The following GALNTL6 variants were observed in gnomAD, a reference collection of about 807,000 sequenced individuals.
GALNTL6 encodes polypeptide N-acetylgalactosaminyltransferase-like 6.
GALNTL6 carries 46 observed loss-of-function variants against 73.7 expected under a neutral mutation model. That is an observed-to-expected ratio of 0.62 (90% CI 0.49 to 0.80). The LOEUF is 0.80. GALNTL6 is among the 30% of genes least tolerant of loss of function. GALNTL6 has a pLI of 0.00. For missense variants in GALNTL6, 604 were observed against 755.0 expected (o/e 0.80, Z 2.34); for synonymous variants, 259 against 263.7 (o/e 0.98, Z 0.17).
At chr4:172,760,803 G>A (rs1482239484) in intron 5 of GALNTL6, among the ~76,000 whole-genome samples, 1 of 152,128 alleles carries the variant, frequency 6.6e-6, no homozygotes, top group Non-Finnish European at 1.5e-5. Flanking sequence ...GACCAGCAGG[G>A]GATAGGAGGA....
chr4:173,006,128 T>G (rs1167736177), intron 10 of GALNTL6, among the ~76,000 whole-genome samples: 1 of 152,176 alleles, frequency 6.6e-6, no homozygotes, highest in African/African-American at 2.4e-5. Context: ...TGAGTTCAAA[T>G]GCCAGCCGAC....
intron 4 of GALNTL6, among the ~76,000 whole-genome samples, chr4:172,335,938 T>C (rs943305839): frequency 2.6e-5 from 4 of 152,172 alleles, no homozygotes; most frequent in Non-Finnish European, 5.9e-5. Flanking sequence ...GTCTCAATTT[T>C]ATTCACTTCC....
intron 2 of GALNTL6, among the ~76,000 whole-genome samples, chr4:172,213,227 G>T (rs1393411230): frequency 6.6e-6 from 1 of 152,126 alleles, no homozygotes; most frequent in Non-Finnish European, 1.5e-5. Context: ...TGTGGGGATT[G>T]TAAATAAAGC....
intron 2 of GALNTL6, among the ~76,000 whole-genome samples, chr4:172,008,517 G>T (rs1268563634): frequency 6.6e-6 from 1 of 151,172 alleles, no homozygotes; most frequent in South Asian, 2.1e-4. Context: ...ACCTCCTTTT[G>T]TTTCCAAAAA....
intron 2 of GALNTL6, among the ~76,000 whole-genome samples, chr4:172,078,446 C>T (rs531989671): frequency 6.6e-6 from 1 of 152,230 alleles, no homozygotes; most frequent in South Asian, 2.1e-4. Flanking sequence ...TCATAAATTA[C>T]ACAGTCTCAG....
chr4:172,032,360 T>C (rs1240573389), intron 2 of GALNTL6, among the ~76,000 whole-genome samples: 2 of 151,908 alleles, frequency 1.3e-5, no homozygotes, highest in South Asian at 4.1e-4. Context: ...AAATTAAGAA[T>C]CATTAAATGT....
chr4:172,634,425 G>A (rs1282166291), intron 5 of GALNTL6, among the ~76,000 whole-genome samples: 3 of 151,856 alleles, frequency 2.0e-5, no homozygotes, highest in African/African-American at 2.4e-5. Flanking sequence ...ACTGTCCCCC[G>A]TGGCAATAGT....
chr4:172,887,483 T>C (rs187228118), intron 8 of GALNTL6, among the ~76,000 whole-genome samples: 6 of 152,114 alleles, frequency 3.9e-5, no homozygotes, highest in African/African-American at 1.4e-4. Flanking sequence ...CCACCAACAG[T>C]GTATAAGTGT....
At chr4:172,862,243 G>C (rs1028279195) in intron 7 of GALNTL6, among the ~76,000 whole-genome samples, 1 of 152,184 alleles carries the variant, frequency 6.6e-6, no homozygotes, top group Non-Finnish European at 1.5e-5. Flanking sequence ...TGAACCACTT[G>C]TTGGGAACTG....
chr4:172,378,507 C>T (rs951235646), intron 5 of GALNTL6, among the ~76,000 whole-genome samples: 5 of 152,004 alleles, frequency 3.3e-5, no homozygotes, highest in African/African-American at 9.7e-5. Context: ...AAACTAAACA[C>T]GTGATTATTG....
At chr4:172,058,033 C>T (rs1731080832) in intron 2 of GALNTL6, among the ~76,000 whole-genome samples, 2 of 151,874 alleles carry the variant, frequency 1.3e-5, no homozygotes, top group Non-Finnish European at 2.9e-5. Flanking sequence ...TCAGCAACTA[C>T]ACATTTTGGA....
chr4:172,655,707 C>T (rs1730962069), intron 5 of GALNTL6, among the ~76,000 whole-genome samples: 1 of 152,136 alleles, frequency 6.6e-6, no homozygotes, highest in Admixed American at 6.5e-5. Flanking sequence ...AGTTATATTT[C>T]CTTGGAAACA....
intron 5 of GALNTL6, among the ~76,000 whole-genome samples, chr4:172,537,938 T>C (rs1243361854): frequency 6.6e-6 from 1 of 152,128 alleles, no homozygotes; most frequent in South Asian, 2.1e-4. Context: ...TAGGAAATGC[T>C]CTATGAACTT....
At chr4:172,417,749 C>T (rs989371751) in intron 5 of GALNTL6, among the ~76,000 whole-genome samples, 1 of 152,128 alleles carries the variant, frequency 6.6e-6, no homozygotes, top group Non-Finnish European at 1.5e-5. Flanking sequence ...TGCTGCTTCT[C>T]CATCTTTTGG....
intron 2 of GALNTL6, among the ~76,000 whole-genome samples, chr4:172,022,949 T>C (rs1207784235): frequency 3.9e-5 from 6 of 152,052 alleles, no homozygotes. Context: ...CTATTTTTCT[T>C]TCACTGACTT....
chr4:172,121,826 T>C (rs1733158908), intron 2 of GALNTL6, among the ~76,000 whole-genome samples: 1 of 151,936 alleles, frequency 6.6e-6, no homozygotes, highest in Admixed American at 6.6e-5. Context: ...GAACAAAAAT[T>C]AAAAAGAAAA....
chr4:172,745,093 G>T (rs1170412366), intron 5 of GALNTL6, among the ~76,000 whole-genome samples: 1 of 151,844 alleles, frequency 6.6e-6, no homozygotes, highest in Non-Finnish European at 1.5e-5. Context: ...GCAAGAATTA[G>T]CCTTAAATGA....
rs1753873991 is a variant in GALNTL6 at position 173,041,159 on chromosome 4, TGTTC to T, written c.*1063_*1066del. ...GTGGGAGCTTAGAAGTGGTTTTATT[TGTTC>T]GTTTGTTTGGGTTTTGCTTTTGTTT... On this transcript the variant is annotated 3_prime_UTR_variant, in exon 13 of 13. Coordinates refer to ENST00000506823, the MANE Select transcript of GALNTL6 (RefSeq NM_001034845.3). The T allele has an allele frequency of 6.6e-6, 1 of 152,028 alleles. No individual in the cohort carries two copies. Among genetic ancestry groups the T allele is most frequent in the Non-Finnish European group, 1.5e-5 (1 of 67,994 alleles). The allele number at this position is 152,028 out of a possible 1,614,324, so 9.4% of individuals were successfully genotyped here.
At chr4:172,272,299 T>C (rs1738684232) in intron 3 of GALNTL6, among the ~76,000 whole-genome samples, 1 of 152,188 alleles carries the variant, frequency 6.6e-6, no homozygotes, top group Admixed American at 6.5e-5. Flanking sequence ...ATTAGTACAG[T>C]CATGCTTTGC....
Sources: gnomAD v4.1 joint callset for allele counts (sites outside exome capture counted in the v4.1 genomes callset) on GRCh38, gnomAD v4.1.1 for gene constraint, MANE v1.5 for transcripts, NCBI Gene and HGNC (gene_info 2026-07-23, HGNC 2026-07-21) for gene names.